The following NAV2 variants were observed in gnomAD, a reference collection of about 807,000 sequenced individuals.
The protein encoded by NAV2 is neuron navigator 2, also known as helicase, APC down-regulated 1.
In NAV2, 54 loss-of-function variants were observed where a neutral mutation model predicts 223.2. That is an observed-to-expected ratio of 0.24 (90% confidence interval 0.19 to 0.30). The LOEUF (loss-of-function observed/expected upper bound fraction) is 0.30, where lower values mean the gene tolerates loss of function less well. NAV2 is among the 10% of genes least tolerant of loss of function. The probability of loss-of-function intolerance (pLI) is 1.00; values close to 1 mark genes in which losing one functional copy is unlikely to be tolerated. For synonymous variants in NAV2, 1,279 were observed against 1,239.3 expected, an observed-to-expected ratio of 1.03 and a Z score of -0.67; for missense variants, 2,806 against 3,147.5, an observed-to-expected ratio of 0.89 and a Z score of 2.60.
intron 1 of NAV2, among the ~76,000 whole-genome samples, chr11:19,361,638 A>G (rs1343101612): frequency 6.6e-6 from 1 of 152,160 alleles, no homozygotes; most frequent in Non-Finnish European, 1.5e-5. Flanking sequence ...TCTGAGATCA[A>G]TACAGCTTGA....
chr11:19,514,415 G>A (rs1194992838), intron 1 of NAV2, among the ~76,000 whole-genome samples: 2 of 151,942 alleles, frequency 1.3e-5, no homozygotes, highest in South Asian at 2.1e-4. Flanking sequence ...TATTTTTACC[G>A]ACATTTTAGG....
At chr11:19,885,600 A>T (rs938364991) in intron 5 of NAV2, among the ~76,000 whole-genome samples, 2 of 152,178 alleles carry the variant, frequency 1.3e-5, no homozygotes, top group Non-Finnish European at 2.9e-5. Context: ...TCACAGTATG[A>T]ATTTACTCTT....
intron 1 of NAV2, among the ~76,000 whole-genome samples, chr11:19,798,848 T>G (rs2058070500): frequency 2.6e-5 from 4 of 152,226 alleles, no homozygotes; most frequent in African/African-American, 9.7e-5. Context: ...TTCCTGGCAA[T>G]GCCTGACTTC....
chr11:19,554,182 G>A (rs867119801), intron 1 of NAV2, among the ~76,000 whole-genome samples: 1 of 152,306 alleles, frequency 6.6e-6, no homozygotes, highest in South Asian at 2.1e-4. Context: ...ACATCTACGT[G>A]CAGGCATTTA....
At position 19,567,280 on chromosome 11, in the gene NAV2, T is replaced by C. The variant is rs744926; in HGVS notation, c.75+216253T>C. Among the ~76,000 whole-genome samples, 1,313 of 152,264 alleles carry C rather than the reference T, an allele frequency of 8.6e-3. 22 individuals are homozygous for C. The highest frequency in any genetic ancestry group is 0.03 in the African/African-American group (1,245 of 41,552). On this transcript the variant is annotated intron_variant, in intron 1 of 37. Transcript: ENST00000360655. The stretch of plus-strand genomic sequence containing the variant: ...GCCAGTGATCCACACTGGGTGAGGA[T>C]TGGAGGCCAGGGCTGTGGAAGGGAA...
intron 1 of NAV2, among the ~76,000 whole-genome samples, chr11:19,662,803 C>G (rs925856383): frequency 1.3e-5 from 2 of 152,242 alleles, no homozygotes; most frequent in African/African-American, 4.8e-5. Context: ...GCCAGGTAGC[C>G]TTTTGGCTAC....
intron 1 of NAV2, among the ~76,000 whole-genome samples, chr11:19,707,546 C>T (rs1315328956): frequency 2.0e-5 from 3 of 152,218 alleles, no homozygotes; most frequent in Admixed American, 2.0e-4. Context: ...ACATATGGAG[C>T]TGTCATCTCC....
chr11:19,925,026 T>A (rs1036713363), intron 6 of NAV2, among the ~76,000 whole-genome samples: 1 of 152,236 alleles, frequency 6.6e-6, no homozygotes, highest in Non-Finnish European at 1.5e-5. Context: ...TTGATTTGCT[T>A]TCTCTAATGA....
intron 20 of NAV2, among the ~76,000 whole-genome samples, chr11:20,066,033 G>C (rs945721397): frequency 6.6e-6 from 1 of 152,204 alleles, no homozygotes; most frequent in Admixed American, 6.5e-5. Flanking sequence ...CTGTGCCTCA[G>C]TTTCCTCATA....
intron 1 of NAV2, among the ~76,000 whole-genome samples, chr11:19,507,997 G>A (rs527573459): frequency 6.6e-6 from 1 of 152,204 alleles, no homozygotes; most frequent in Non-Finnish European, 1.5e-5. Context: ...ATAAATACGT[G>A]AAGCCTAAGA....
chr11:20,040,682 T>TA (rs1484649408), intron 12 of NAV2, among the ~76,000 whole-genome samples: 2 of 152,138 alleles, frequency 1.3e-5, no homozygotes. Flanking sequence ...AATGACTACA[T>TA]AGACTTCCAA....
chr11:19,523,823 C>T (rs185104404), intron 1 of NAV2, among the ~76,000 whole-genome samples: 21 of 152,342 alleles, frequency 1.4e-4, no homozygotes, highest in African/African-American at 5.0e-4. Flanking sequence ...CACCTCCCAT[C>T]GCCCACTCTG....
intron 1 of NAV2, among the ~76,000 whole-genome samples, chr11:19,436,902 A>T (rs1851236766): frequency 6.6e-6 from 1 of 152,152 alleles, no homozygotes; most frequent in African/African-American, 2.4e-5. Context: ...GTGTATAGAA[A>T]TGCTACTGGT....
At chr11:19,403,153 C>T (rs185298293) in intron 1 of NAV2, among the ~76,000 whole-genome samples, 1 of 152,154 alleles carries the variant, frequency 6.6e-6, no homozygotes, top group Admixed American at 6.6e-5. Flanking sequence ...CAGTGACAGG[C>T]AAATAGGAAG....
intron 11 of NAV2, among the ~76,000 whole-genome samples, chr11:20,017,604 G>A (rs1444833002): frequency 6.6e-6 from 1 of 152,088 alleles, no homozygotes; most frequent in East Asian, 1.9e-4. Flanking sequence ...GTCAGGACTG[G>A]GGCATTTCCT....
intron 1 of NAV2, among the ~76,000 whole-genome samples, chr11:19,448,713 T>G (rs1851678038): frequency 3.3e-5 from 5 of 152,268 alleles, no homozygotes; most frequent in African/African-American, 1.2e-4. Flanking sequence ...CTTCATATTA[T>G]GAGCATTGAA....
At chr11:19,799,772 C>A (rs1051910666) in intron 1 of NAV2, among the ~76,000 whole-genome samples, 1 of 152,112 alleles carries the variant, frequency 6.6e-6, no homozygotes, top group East Asian at 1.9e-4. Flanking sequence ...GGGTGCTTTT[C>A]GGAACCCACC....
intron 1 of NAV2, among the ~76,000 whole-genome samples, chr11:19,666,258 T>C (rs1432441735): frequency 6.6e-6 from 1 of 152,252 alleles, no homozygotes; most frequent in African/African-American, 2.4e-5. Context: ...ACCAGGATTC[T>C]GATTCAGTTG....
At chr11:19,836,672 A>G (rs985487828) in intron 2 of NAV2, among the ~76,000 whole-genome samples, 6 of 152,162 alleles carry the variant, frequency 3.9e-5, no homozygotes, top group African/African-American at 1.4e-4. Flanking sequence ...CTACCTTTTC[A>G]GGCACTAGTT....
Sources: gnomAD v4.1 joint callset for allele counts (sites outside exome capture counted in the v4.1 genomes callset) on GRCh38, gnomAD v4.1.1 for gene constraint, MANE v1.5 for transcripts, NCBI Gene and HGNC (gene_info 2026-07-23, HGNC 2026-07-21) for gene names.